EGFR: variants seen among roughly 807,000 people sequenced by gnomAD.
The protein encoded by EGFR is avian erythroblastic leukemia viral (v-erb-b) oncogene homolog.
A neutral mutation model predicts 143.0 loss-of-function variants in EGFR; 58 were observed. That is an observed-to-expected ratio of 0.41 (90% confidence interval 0.33 to 0.50). The LOEUF (loss-of-function observed/expected upper bound fraction) is 0.50. EGFR is among the 20% of genes least tolerant of loss of function. The probability of loss-of-function intolerance (pLI) is 0.39; values close to 1 mark genes in which losing one functional copy is unlikely to be tolerated. For synonymous variants in EGFR, 613 were observed against 594.4 expected, an observed-to-expected ratio of 1.03 and a Z score of -0.45; for missense variants, 1,307 against 1,579.0, an observed-to-expected ratio of 0.83 and a Z score of 2.92.
intron 22 of EGFR, among the ~76,000 whole-genome samples, chr7:55,194,640 C>T (rs1787543229): frequency 6.6e-6 from 1 of 152,200 alleles, no homozygotes; most frequent in Non-Finnish European, 1.5e-5. Context: ...TCCACCAGGT[C>T]CCCCTCCCGT....
At chr7:55,200,882 A>T (rs1787816693) in intron 24 of EGFR, 1 of 514,230 alleles carries the variant, frequency 1.9e-6, no homozygotes, top group East Asian at 3.4e-5. Flanking sequence ...ACGCTCCCTA[A>T]CACCTCACAG....
intron 1 of EGFR, among the ~76,000 whole-genome samples, chr7:55,128,947 A>G (rs755473757): frequency 6.6e-6 from 1 of 152,258 alleles, no homozygotes; most frequent in Non-Finnish European, 1.5e-5. Context: ...AGGGAATCAC[A>G]TCTGTTGAAA....
chr7:55,139,397 CAT>C (rs1794331739), intron 1 of EGFR, among the ~76,000 whole-genome samples: 1 of 152,166 alleles, frequency 6.6e-6, no homozygotes, highest in Non-Finnish European at 1.5e-5. Flanking sequence ...ATATTTCTAA[CAT>C]GAGATATTTG....
intron 1 of EGFR, among the ~76,000 whole-genome samples, chr7:55,063,418 G>T (rs1789309041): frequency 6.6e-6 from 1 of 152,188 alleles, no homozygotes; most frequent in African/African-American, 2.4e-5. Context: ...TCTGGACAGA[G>T]ATAGAATTAT....
intron 10 of EGFR, 179 bp downstream of exon 10, chr7:55,157,011 G>A: frequency 7.0e-7 from 1 of 1,436,384 alleles, no homozygotes; most frequent in African/African-American, 1.4e-5. Flanking sequence ...AAGGGGACAC[G>A]TTAAGTCCAG....
At position 55,155,822 on chromosome 7, in the gene EGFR, T is replaced by TTCC; in HGVS notation, c.890-7_890-5dup. 6.2e-7 allele frequency: 1 copy of TTCC among 1,613,100 alleles called. No homozygotes were observed. Among genetic ancestry groups the TTCC allele is most frequent in the South Asian group, 1.1e-5 (1 of 91,048 alleles). On this transcript the variant is annotated splice_polypyrimidine_tract_variant and splice_region_variant and intron_variant, in intron 7 of 27. Transcript: ENST00000275493. The stretch of plus-strand genomic sequence containing the variant: ...GTCATCACCTTCCTTTCATGCTCTC[T>TTCC]TCCCCAGGTAATTATGTGGTGACAG...
At chr7:55,148,942 C>T (rs1412414870) in intron 4 of EGFR, among the ~76,000 whole-genome samples, 2 of 152,010 alleles carry the variant, frequency 1.3e-5, no homozygotes, top group African/African-American at 4.8e-5. Flanking sequence ...GTGTGCCTAG[C>T]TTTTATGTTT....
rs911854407 is a variant in EGFR, at chr7:55,019,072, C to T, written c.-206C>T. On this transcript the variant is annotated 5_prime_UTR_variant, in exon 1 of 28. In the 5' UTR this introduces an upstream ATG that the reference lacks. Coordinates refer to ENST00000275493, the MANE Select transcript of EGFR (RefSeq NM_005228.5). The stretch of plus-strand genomic sequence containing the variant: ...GCCGCAGCAGCCTCCGCCCCCCGCA[C>T]GGTGTGAGCGCCCGACGCGGCCGAG... 5.0e-5 allele frequency: 14 copies of T among 282,170 alleles called. No individual in the cohort carries two copies. In the Admixed American group the frequency reaches 7.0e-4, roughly 14 times the overall value. The allele number at this position is 282,170 out of a possible 1,614,324, so 17.5% of individuals were successfully genotyped here.
chr7:55,079,999 T>G (rs1267516623), intron 1 of EGFR, among the ~76,000 whole-genome samples: 1 of 152,210 alleles, frequency 6.6e-6, no homozygotes, highest in Non-Finnish European at 1.5e-5. Flanking sequence ...AGTTTTAAAT[T>G]TTGAAGTCTA....
chr7:55,205,548 G>A lies in EGFR; in HGVS notation c.3564G>A (p.Lys1188=). Residue 1188 remains lysine, a synonymous_variant, in exon 28 of 28, where the codon AAG becomes AAA. Coordinates refer to ENST00000275493, the MANE Select transcript of EGFR (RefSeq NM_005228.5). The stretch of plus-strand genomic sequence containing the variant: ...AAGCCAAGCCAAATGGCATCTTTAA[G>A]GGCTCCACAGCTGAAAATGCAGAAT... ...PKEAKPNGIF[K]GSTAENAEYL... 6.2e-7 allele frequency: 1 copy of A among 1,614,176 alleles called. No homozygotes were observed. The highest frequency in any genetic ancestry group is 8.5e-7 in the Non-Finnish European group (1 of 1,180,032).
chr7:55,054,695 C>T (rs1181102942), intron 1 of EGFR, among the ~76,000 whole-genome samples: 1 of 152,212 alleles, frequency 6.6e-6, no homozygotes, highest in African/African-American at 2.4e-5. Flanking sequence ...GTGAAACCTG[C>T]CGGGAAGGTC....
At chr7:55,180,217 GCTTTCTGCTACAGT>G (rs1364026056) in intron 19 of EGFR, 1 of 152,240 alleles carries the variant, frequency 6.6e-6, no homozygotes, top group Admixed American at 6.5e-5. Flanking sequence ...AGCTGTGGAT[GCTTTCTGCTACAGT>G]CTGTGTGTTC....
At chr7:55,150,856 T>A (rs1285921661) in intron 4 of EGFR, among the ~76,000 whole-genome samples, 2 of 152,234 alleles carry the variant, frequency 1.3e-5, no homozygotes, top group Admixed American at 6.5e-5. Context: ...AGGCTATGAC[T>A]TAACAATCCC....
intron 1 of EGFR, among the ~76,000 whole-genome samples, chr7:55,100,687 G>A (rs758410354): frequency 6.6e-6 from 1 of 152,170 alleles, no homozygotes; most frequent in Non-Finnish European, 1.5e-5. Context: ...ATCTCCACAC[G>A]CCGTCCTTGG....
At chr7:55,045,768 C>T (rs191221070) in intron 1 of EGFR, among the ~76,000 whole-genome samples, 1 of 152,324 alleles carries the variant, frequency 6.6e-6, no homozygotes, top group East Asian at 1.9e-4. Context: ...TATTTTATTG[C>T]TGCAGCTGTT....
chr7:55,155,869 C>T lies in EGFR; in HGVS notation c.929C>T (p.Ala310Val), dbSNP rs1785385813. The T allele has an allele frequency of 6.2e-7, 1 of 1,614,046 alleles. No individual in the cohort carries two copies. The highest frequency in any genetic ancestry group is 8.5e-7 in the Non-Finnish European group (1 of 1,180,026). The stretch of plus-strand genomic sequence containing the variant: ...ACAGATCACGGCTCGTGCGTCCGAG[C>T]CTGTGGGGCCGACAGCTATGAGATG... ...VVTDHGSCVR[A>V]CGADSYEMEE... The change falls in exon 8 of 28, where the codon GCC (alanine) becomes GTC (valine). Residue 310 changes from alanine (A) to valine (V), a missense_variant. Transcript: ENST00000275493.
At position 55,157,693 on chromosome 7, in the gene EGFR, A is replaced by G. The variant is rs770466526; in HGVS notation, c.1238A>G (p.Asn413Ser). 1.2e-6 allele frequency: 2 copies of G among 1,614,250 alleles called. No homozygotes were observed. Among genetic ancestry groups the G allele is most frequent in the South Asian group, 2.2e-5 (2 of 91,090 alleles). The change falls in exon 11 of 28, where the codon AAC becomes AGC. Residue 413 changes from asparagine (N) to serine (S), a missense_variant. Around this residue, in one of 7 missense-constraint regions of EGFR, gnomAD observed 250 missense variants for 295.1 expected, o/e 0.85. Transcript: ENST00000275493. ...GFLLIQAWPE[N>S]RTDLHAFENL... ...TTGCTGATTCAGGCTTGGCCTGAAA[A>G]CAGGACGGACCTCCATGCCTTTGAG...
chr7:55,022,404 C>G (rs1003972677), intron 1 of EGFR, among the ~76,000 whole-genome samples: 16 of 152,180 alleles, frequency 1.1e-4, no homozygotes, highest in African/African-American at 3.9e-4. Flanking sequence ...AAAGTGAGAT[C>G]TACCCCACCC....
At chr7:55,066,159 G>A (rs1253985774) in intron 1 of EGFR, among the ~76,000 whole-genome samples, 2 of 152,094 alleles carry the variant, frequency 1.3e-5, no homozygotes, top group Admixed American at 1.3e-4. Flanking sequence ...TCCCATGTTT[G>A]CAAAGCCTCT....
Sources: gnomAD v4.1 joint callset for allele counts (sites outside exome capture counted in the v4.1 genomes callset) on GRCh38, gnomAD v4.1.1 for gene constraint, gnomAD v4.1.1 regional missense constraint, MANE v1.5 for transcripts, NCBI Gene and HGNC (gene_info 2026-07-23, HGNC 2026-07-21) for gene names.